Variants in NPAS3 observed in about 807,000 individuals in gnomAD.
NPAS3 encodes the protein neuronal PAS domain protein 3.
Under a neutral mutation model 73.1 loss-of-function variants are expected in NPAS3, and 14 were observed. That is an observed-to-expected ratio of 0.19 (90% CI 0.13 to 0.30). The LOEUF is 0.30. Ranked by LOEUF, NPAS3 falls within the 10% of genes least tolerant of loss-of-function variation. The pLI, the probability that NPAS3 is intolerant of heterozygous loss-of-function variation, is 1.00. For missense variants in NPAS3, 1,096 were observed against 1,250.0 expected (o/e 0.88, Z 1.86); for synonymous variants, 620 against 541.5 (o/e 1.14, Z -2.01).
chr14:33,325,802 C>G (rs2043678414), intron 3 of NPAS3, among the ~76,000 whole-genome samples: 1 of 151,496 alleles, frequency 6.6e-6, no homozygotes. Flanking sequence ...ACTTTCCAGC[C>G]TCTGGTAACC....
chr14:33,401,428 G>C (rs547782819), intron 4 of NPAS3, among the ~76,000 whole-genome samples: 1 of 152,042 alleles, frequency 6.6e-6, no homozygotes, highest in Non-Finnish European at 1.5e-5. Context: ...TGTTAAATAC[G>C]AGAACTTGTA....
Position 33,481,016 on chromosome 14 carries a change from G to A in NPAS3, c.469-79105G>A, listed in dbSNP as rs148145036. Among the ~76,000 whole-genome samples, 450 of 152,182 alleles carry A rather than the reference G, an allele frequency of 3.0e-3. 2 individuals carry two copies. Among genetic ancestry groups the A allele is most frequent in the African/African-American group, 0.01 (427 of 41,530 alleles). On this transcript the variant is annotated intron_variant, in intron 4 of 11. Coordinates refer to ENST00000356141, the Ensembl canonical transcript of NPAS3. ...AGCCTCATGCGTCCCCGTTTATCAA[G>A]AGATAATAGGATTAAGTTAAGCTAT...
At chr14:33,063,686 C>T (rs910486444) in intron 2 of NPAS3, among the ~76,000 whole-genome samples, 2 of 152,214 alleles carry the variant, frequency 1.3e-5, no homozygotes, top group African/African-American at 4.8e-5. Flanking sequence ...GCCCACAAAG[C>T]TGCAAATATT....
intron 3 of NPAS3, among the ~76,000 whole-genome samples, chr14:33,352,461 G>C (rs887004215): frequency 2.0e-5 from 3 of 152,106 alleles, no homozygotes; most frequent in African/African-American, 7.2e-5. Context: ...GAAAACTGTC[G>C]CACATTTAAC....
chr14:33,695,971 TTGAC>T (rs2060365907), intron 6 of NPAS3, among the ~76,000 whole-genome samples: 1 of 152,192 alleles, frequency 6.6e-6, no homozygotes, highest in Non-Finnish European at 1.5e-5. Context: ...TGTTGAGAAA[TTGAC>T]TGTATTCCTC....
chr14:33,420,169 T>A (rs541152571), intron 4 of NPAS3, among the ~76,000 whole-genome samples: 1 of 152,122 alleles, frequency 6.6e-6, no homozygotes, highest in Non-Finnish European at 1.5e-5. Context: ...GACAAGGATG[T>A]CATATTTTTT....
intron 3 of NPAS3, among the ~76,000 whole-genome samples, chr14:33,310,651 A>G (rs1032768040): frequency 1.3e-5 from 2 of 152,134 alleles, no homozygotes; most frequent in Admixed American, 6.6e-5. Context: ...CTGTCACACA[A>G]TGCCTCACAT....
At chr14:33,327,855 A>T (rs2043781884) in intron 3 of NPAS3, among the ~76,000 whole-genome samples, 2 of 152,200 alleles carry the variant, frequency 1.3e-5, no homozygotes, top group African/African-American at 4.8e-5. Context: ...CAAAATAATT[A>T]ATCAGTGCAT....
At chr14:33,603,551 G>A (rs2057464281) in intron 5 of NPAS3, among the ~76,000 whole-genome samples, 1 of 152,110 alleles carries the variant, frequency 6.6e-6, no homozygotes, top group Admixed American at 6.6e-5. Flanking sequence ...CTCACAATCA[G>A]TAATAAAGAG....
intron 4 of NPAS3, among the ~76,000 whole-genome samples, chr14:33,405,492 T>C (rs889723911): frequency 7.9e-5 from 12 of 152,086 alleles, no homozygotes; most frequent in Non-Finnish European, 1.5e-5. Context: ...AGCTATAAAT[T>C]TGACTGCTTC....
At chr14:33,736,983 G>C (rs567896123) in intron 7 of NPAS3, among the ~76,000 whole-genome samples, 1 of 152,328 alleles carries the variant, frequency 6.6e-6, no homozygotes, top group Admixed American at 6.5e-5. Flanking sequence ...TAGTTCACAT[G>C]TGTTAGCCCT....
chr14:33,334,706 T>C (rs1425407506), intron 3 of NPAS3, among the ~76,000 whole-genome samples: 1 of 151,130 alleles, frequency 6.6e-6, no homozygotes, highest in African/African-American at 2.4e-5. Flanking sequence ...TAATTTTTTT[T>C]ATTTCAGTAG....
chr14:33,700,830 A>T (rs1453910058), intron 6 of NPAS3, among the ~76,000 whole-genome samples: 1 of 152,214 alleles, frequency 6.6e-6, no homozygotes. Context: ...CTTCCCTGCA[A>T]TTCATTCCAC....
At chr14:33,171,285 C>T (rs540520414) in intron 2 of NPAS3, among the ~76,000 whole-genome samples, 2 of 152,306 alleles carry the variant, frequency 1.3e-5, no homozygotes, top group Admixed American at 1.3e-4. Context: ...CATCATCCAG[C>T]CTTCGTCGTT....
chr14:33,247,174 ATACATTCT>A (rs1566720601), intron 3 of NPAS3, among the ~76,000 whole-genome samples: 1 of 152,178 alleles, frequency 6.6e-6, no homozygotes, highest in East Asian at 1.9e-4. Context: ...ATCTTAGAAT[ATACATTCT>A]AAAGTACTCT....
intron 10 of NPAS3, 76 bp downstream of exon 10, chr14:33,794,120 C>A: frequency 7.7e-7 from 1 of 1,298,944 alleles, no homozygotes. Context: ...TGGTTAATAG[C>A]CGACATGTTG....
At chr14:33,711,970 C>A (rs2060831228) in intron 6 of NPAS3, among the ~76,000 whole-genome samples, 1 of 152,108 alleles carries the variant, frequency 6.6e-6, no homozygotes, top group South Asian at 2.1e-4. Context: ...AAGGAAGTGC[C>A]AGGACACTGT....
intron 5 of NPAS3, among the ~76,000 whole-genome samples, chr14:33,568,039 T>C (rs1349862735): frequency 6.6e-6 from 1 of 152,210 alleles, no homozygotes; most frequent in African/African-American, 2.4e-5. Context: ...ACATTGCTTC[T>C]TAATTTCTGG....
At chr14:33,628,424 A>G (rs2058282735) in intron 5 of NPAS3, among the ~76,000 whole-genome samples, 2 of 152,242 alleles carry the variant, frequency 1.3e-5, no homozygotes, top group South Asian at 4.1e-4. Context: ...CAGGGAGTAC[A>G]AAGATAATTG....
Sources: allele counts gnomAD v4.1 joint callset (sites outside exome capture counted in the v4.1 genomes callset), GRCh38; gene constraint gnomAD v4.1.1; transcripts MANE v1.5; gene names NCBI Gene and HGNC (gene_info 2026-07-23, HGNC 2026-07-21).